KCNJ1: variants seen among roughly 807,000 people sequenced by gnomAD.
KCNJ1 encodes potassium inwardly rectifying channel subfamily J member 1.
In KCNJ1, 24 loss-of-function variants were observed where a neutral mutation model predicts 21.9. That is an observed-to-expected ratio of 1.10 (90% CI 0.79 to 1.54). The LOEUF is 1.54. Ranked by LOEUF, KCNJ1 falls within the 40% of genes most tolerant of loss-of-function variation. KCNJ1 has a pLI of 0.00. For missense variants in KCNJ1, 457 were observed against 455.4 expected (o/e 1.00, Z -0.03); for synonymous variants, 152 against 160.9 (o/e 0.94, Z 0.42).
chr11:128,844,951 T>C (rs1200578229), intron 2 of KCNJ1, among the ~76,000 whole-genome samples: 1 of 152,200 alleles, frequency 6.6e-6, no homozygotes, highest in African/African-American at 2.4e-5. Context: ...GGATTTCAGA[T>C]TAGAGGTAGG....
At chr11:128,849,842 G>A (rs1943450282) in intron 2 of KCNJ1, among the ~76,000 whole-genome samples, 1 of 152,262 alleles carries the variant, frequency 6.6e-6, no homozygotes, top group Middle Eastern at 3.4e-3. Context: ...CAGAAGTTTG[G>A]TGTGATGACA....
At chr11:128,865,011 C>T (rs1297303530) in intron 1 of KCNJ1, among the ~76,000 whole-genome samples, 10 of 152,092 alleles carry the variant, frequency 6.6e-5, no homozygotes, top group African/African-American at 2.2e-4. Flanking sequence ...CATCGTGGCA[C>T]CCTGCAGCTT....
At chr11:128,862,081 G>T (rs560551593) in intron 1 of KCNJ1, among the ~76,000 whole-genome samples, 1 of 152,118 alleles carries the variant, frequency 6.6e-6, no homozygotes, top group Non-Finnish European at 1.5e-5. Flanking sequence ...TTGCTGCAGT[G>T]CCATCCTCCC....
chr11:128,863,388 C>T lies in KCNJ1; in HGVS notation c.-192+3785G>A, dbSNP rs551023411. Among the ~76,000 whole-genome samples the T allele has an allele frequency of 5.1e-4, 78 of 152,272 alleles. 1 individual carries two copies. The highest frequency in any genetic ancestry group is 1.8e-3 in the African/African-American group (75 of 41,544). On this transcript the variant is annotated intron_variant, in intron 1 of 2. Transcript: ENST00000392666. ...CCCTTAGAAGCATCAGTGAGTCACA[C>T]GCATCTAACCAGAATGCAAAGTTTA...
chr11:128,845,136 G>A (rs544694044), intron 2 of KCNJ1, among the ~76,000 whole-genome samples: 3 of 152,342 alleles, frequency 2.0e-5, no homozygotes, highest in African/African-American at 7.2e-5. Context: ...TGGGATTATG[G>A]GGCAGAGCCC....
intron 2 of KCNJ1, among the ~76,000 whole-genome samples, chr11:128,843,898 A>G (rs149510340): frequency 0.015 from 2,233 of 152,282 alleles, 65 homozygotes; most frequent in African/African-American, 0.048. Flanking sequence ...ATTTCAGCAG[A>G]GAGGGTGGTG....
intron 2 of KCNJ1, among the ~76,000 whole-genome samples, chr11:128,843,027 C>G (rs958457148): frequency 6.6e-6 from 1 of 152,150 alleles, no homozygotes; most frequent in African/African-American, 2.4e-5. Flanking sequence ...TGTTGGAAGT[C>G]TTTATTATTC....
rs150487168 is a variant in KCNJ1 at position 128,839,722 on chromosome 11, C to T, written c.522G>A (p.Thr174=). 69 of 1,613,476 alleles carry T rather than the reference C, an allele frequency of 4.3e-5. No individual in the cohort carries two copies. The highest frequency in any genetic ancestry group is 3.9e-4 in the African/African-American group (29 of 75,010). The stretch of plus-strand genomic sequence containing the variant: ...TGCTGATCACTGCGTTCTTGCTGAA[C>T]GTAATGGTCTTGGCACGTTTTTTGG... ...SRPKKRAKTI[T]FSKNAVISKR... Residue 174 remains threonine (T), a synonymous_variant, in exon 3 of 3, where the codon ACG becomes ACA. Coordinates refer to ENST00000392666, the MANE Select transcript of KCNJ1 (RefSeq NM_153766.3).
In KCNJ1 at chr11:128,847,380, C is replaced by T. The variant is rs562174595; in HGVS notation, c.-22+3341G>A. Among the ~76,000 whole-genome samples, 4 of 152,330 alleles carry T rather than the reference C, an allele frequency of 2.6e-5. No homozygotes were observed. In the South Asian group the frequency reaches 8.3e-4, roughly 32 times the overall value. ...GCACAGGAAATAAGTGTAACTATAACACAACAAAACCACTTTACAAGCCCA... is the reference window on the plus strand; with the variant it reads ...GCACAGGAAATAAGTGTAACTATAATACAACAAAACCACTTTACAAGCCCA... On this transcript the variant is annotated intron_variant, in intron 2 of 2. Coordinates refer to ENST00000392666, the MANE Select transcript of KCNJ1 (RefSeq NM_153766.3).
chr11:128,861,757 C>T (rs1272633587), intron 1 of KCNJ1, among the ~76,000 whole-genome samples: 2 of 152,110 alleles, frequency 1.3e-5, no homozygotes, highest in Admixed American at 1.3e-4. Flanking sequence ...ATGCAGGCTC[C>T]GTGTCTGTAG....
chr11:128,846,267 G>A (rs1943377596), intron 2 of KCNJ1, among the ~76,000 whole-genome samples: 1 of 152,132 alleles, frequency 6.6e-6, no homozygotes, highest in African/African-American at 2.4e-5. Flanking sequence ...CCTGTGAAAT[G>A]GCTATAATAT....
At chr11:128,849,904 G>T (rs767649883) in intron 2 of KCNJ1, among the ~76,000 whole-genome samples, 1 of 152,090 alleles carries the variant, frequency 6.6e-6, no homozygotes, top group Admixed American at 6.5e-5. Flanking sequence ...CTGCCCGCCC[G>T]CCAACCCACC....
At chr11:128,866,057 G>A (rs1351647316) in intron 1 of KCNJ1, among the ~76,000 whole-genome samples, 1 of 152,110 alleles carries the variant, frequency 6.6e-6, no homozygotes, top group Non-Finnish European at 1.5e-5. Context: ...TACGTTCCCA[G>A]ATATCTCCAC....
chr11:128,855,048 G>A (rs1206897573), intron 1 of KCNJ1, among the ~76,000 whole-genome samples: 2 of 152,128 alleles, frequency 1.3e-5, no homozygotes, highest in Non-Finnish European at 2.9e-5. Context: ...GCTCACCTGG[G>A]GATTTTACAG....
chr11:128,841,919 T>C (rs1421040782), intron 2 of KCNJ1, among the ~76,000 whole-genome samples: 1 of 152,142 alleles, frequency 6.6e-6, no homozygotes, highest in Non-Finnish European at 1.5e-5. Flanking sequence ...AAGTCCCCAG[T>C]GAGGATTAGG....
intron 1 of KCNJ1, among the ~76,000 whole-genome samples, chr11:128,863,447 C>T (rs1943754634): frequency 6.6e-6 from 1 of 152,194 alleles, no homozygotes; most frequent in Non-Finnish European, 1.5e-5. Flanking sequence ...CAGCACAGGG[C>T]AGATACACAC....
At chr11:128,848,219 C>T (rs970659233) in intron 2 of KCNJ1, among the ~76,000 whole-genome samples, 4 of 139,760 alleles carry the variant, frequency 2.9e-5, no homozygotes, top group African/African-American at 5.4e-5. Flanking sequence ...ACCCGGGAGG[C>T]GGAGCTTGCA....
At chr11:128,842,505 G>A (rs958102992) in intron 2 of KCNJ1, 18 of 1,607,128 alleles carry the variant, frequency 1.1e-5, no homozygotes, top group South Asian at 7.8e-5. Flanking sequence ...TATTGTAGGC[G>A]ACAGTCAGTG....
chr11:128,864,937 T>C (rs1440726226), intron 1 of KCNJ1, among the ~76,000 whole-genome samples: 1 of 151,914 alleles, frequency 6.6e-6, no homozygotes, highest in Non-Finnish European at 1.5e-5. Flanking sequence ...AATAAGATCT[T>C]ACCCCGGTTC....
Sources: allele counts gnomAD v4.1 joint callset (sites outside exome capture counted in the v4.1 genomes callset), GRCh38; gene constraint gnomAD v4.1.1; transcripts MANE v1.5; gene names NCBI Gene and HGNC (gene_info 2026-07-23, HGNC 2026-07-21).